The following SRGAP3 variants were observed in gnomAD, a reference collection of about 807,000 sequenced individuals.
SRGAP3 encodes the protein SLIT-ROBO Rho GTPase activating protein 3.
Under a neutral mutation model 121.1 loss-of-function variants are expected in SRGAP3, and 39 were observed. The ratio of observed to expected loss-of-function variants is 0.32; its 90% CI spans 0.25 to 0.42. SRGAP3 has a LOEUF of 0.42. Among genes scored for constraint, SRGAP3 ranks in the 10% least tolerant of loss-of-function variants. The probability of loss-of-function intolerance (pLI) is 1.00; values close to 1 mark genes in which losing one functional copy is unlikely to be tolerated. For synonymous variants in SRGAP3, 601 were observed against 570.0 expected (o/e 1.05, Z -0.77); for missense variants, 1,213 against 1,470.6 (o/e 0.82, Z 2.86).
At chr3:8,986,399 A>C (rs1941711028) in intron 21 of SRGAP3, among the ~76,000 whole-genome samples, 1 of 152,202 alleles carries the variant, frequency 6.6e-6, no homozygotes, top group Non-Finnish European at 1.5e-5. Context: ...AAAAATACGA[A>C]TGACAATAGC....
At position 9,165,671 on chromosome 3, in the gene SRGAP3, ATCC is replaced by A. The variant is rs555838036; in HGVS notation, c.68-40757_68-40755del. On this transcript the variant is annotated intron_variant, in intron 1 of 21. Coordinates refer to ENST00000383836, the MANE Select transcript of SRGAP3 (RefSeq NM_014850.4). Reference sequence around the variant, plus strand: ...GCATGCTTGTCCCGATTACCTCTCAATCCTCCTCCTCCTTGCCACCTCCACCCT... The same window carrying A: ...GCATGCTTGTCCCGATTACCTCTCAATCCTCCTCCTTGCCACCTCCACCCT... 2.6e-4 allele frequency among the ~76,000 whole-genome samples: 39 copies of A among 151,730 alleles called. No individual in the cohort carries two copies. In the South Asian group the frequency reaches 7.9e-3, roughly 31 times the overall value.
At chr3:9,033,703 A>G (rs1944609302) in intron 11 of SRGAP3, 2 of 152,436 alleles carry the variant, frequency 1.3e-5, no homozygotes, top group African/African-American at 2.4e-5. Context: ...GATTACAGGC[A>G]TGAGCCTCCT....
At chr3:9,309,643 T>C (rs193099010) in intron 3 of SRGAP3, among the ~76,000 whole-genome samples, 1 of 152,308 alleles carries the variant, frequency 6.6e-6, no homozygotes, top group African/African-American at 2.4e-5. Flanking sequence ...GGAGGATCAC[T>C]TGAGCCTAGG....
At chr3:9,248,054 G>T (rs1462952124) in intron 1 of SRGAP3, among the ~76,000 whole-genome samples, 1 of 152,244 alleles carries the variant, frequency 6.6e-6, no homozygotes, top group African/African-American at 2.4e-5. Context: ...TCTGAAAGAA[G>T]TATACACCCG....
At chr3:9,230,270 C>T (rs1295029109) in intron 1 of SRGAP3, among the ~76,000 whole-genome samples, 6 of 152,200 alleles carry the variant, frequency 3.9e-5, no homozygotes, top group African/African-American at 9.7e-5. Context: ...CAAAGTCACA[C>T]GGCTAGAAAG....
intron 3 of SRGAP3, among the ~76,000 whole-genome samples, chr3:9,295,810 T>G (rs1224593220): frequency 6.6e-6 from 1 of 152,210 alleles, no homozygotes; most frequent in Non-Finnish European, 1.5e-5. Flanking sequence ...CATTCTCCTC[T>G]TCCCCAGCCT....
upstream of SRGAP3, among the ~76,000 whole-genome samples, chr3:9,253,336 G>A (rs1016119679): frequency 1.3e-5 from 2 of 151,982 alleles, no homozygotes; most frequent in Non-Finnish European, 2.9e-5. Context: ...GTTTCAATAC[G>A]GAGTTCAACG....
chr3:9,096,251 C>CAT (rs1182922534), intron 3 of SRGAP3, among the ~76,000 whole-genome samples: 1 of 152,046 alleles, frequency 6.6e-6, no homozygotes, highest in Non-Finnish European at 1.5e-5. Context: ...TCAAAGAAAT[C>CAT]ATAATGAAAA....
rs759746569 is a variant in SRGAP3 at position 9,045,509 on chromosome 3, AATG to A, written c.1408+1879_1408+1881del. Among the ~76,000 whole-genome samples, 230 of 151,264 alleles carry A rather than the reference AATG, an allele frequency of 1.5e-3. 1 individual carries two copies. Among genetic ancestry groups the A allele is most frequent in the East Asian group, 8.8e-3 (45 of 5,132 alleles). On this transcript the variant is annotated intron_variant, in intron 10 of 21. Transcript: ENST00000383836. Reference sequence around the variant, plus strand: ...TTATGCCAAAACTAAGTATGGTGATAATGATGATGATGATGATGATGATGATGA... The same window carrying A: ...TTATGCCAAAACTAAGTATGGTGATAATGATGATGATGATGATGATGATGA...
chr3:9,227,457 T>A (rs1953031133), intron 1 of SRGAP3, among the ~76,000 whole-genome samples: 1 of 151,696 alleles, frequency 6.6e-6, no homozygotes, highest in South Asian at 2.1e-4. Context: ...CTTGCAAGAG[T>A]CCAATGGGTG....
intron 3 of SRGAP3, among the ~76,000 whole-genome samples, chr3:9,084,495 G>A (rs11924984): frequency 0.018 from 2,720 of 152,294 alleles, 81 homozygotes; most frequent in African/African-American, 0.063. Context: ...AAAAGAGGAA[G>A]CAGACTTAGG....
At chr3:9,120,396 C>A (rs996094383) in intron 2 of SRGAP3, among the ~76,000 whole-genome samples, 7 of 152,222 alleles carry the variant, frequency 4.6e-5, no homozygotes, top group Non-Finnish European at 8.8e-5. Context: ...AACTACCAGG[C>A]CTCCCCAAGC....
rs971602970 is a variant in SRGAP3, at chr3:9,223,741, G to A, written c.67+25144C>T. Among the ~76,000 whole-genome samples the A allele has an allele frequency of 1.1e-4, 16 of 152,210 alleles. 1 individual carries two copies. Among genetic ancestry groups the A allele is most frequent in the Admixed American group, 3.9e-4 (6 of 15,278 alleles). On this transcript the variant is annotated intron_variant, in intron 1 of 21. Transcript: ENST00000383836. ...ATCCCCGTTTCCCACCAGCCATTATGAGGACAGACACAAATGGCTTCAAGG... is the reference window on the plus strand; with the variant it reads ...ATCCCCGTTTCCCACCAGCCATTATAAGGACAGACACAAATGGCTTCAAGG...
chr3:9,328,682 A>G (rs1955556684), intron 2 of SRGAP3, among the ~76,000 whole-genome samples: 1 of 152,216 alleles, frequency 6.6e-6, no homozygotes, highest in African/African-American at 2.4e-5. Context: ...AGAATAGACA[A>G]GGTCATGCAG....
At chr3:9,105,893 C>T (rs545350401) in intron 2 of SRGAP3, among the ~76,000 whole-genome samples, 22 of 152,354 alleles carry the variant, frequency 1.4e-4, no homozygotes, top group Admixed American at 5.2e-4. Context: ...CTACCTTAAA[C>T]GTGCTCAGAA....
chr3:9,287,677 G>A (rs940488416), intron 3 of SRGAP3, among the ~76,000 whole-genome samples: 4 of 151,972 alleles, frequency 2.6e-5, no homozygotes, highest in Non-Finnish European at 5.9e-5. Context: ...TCGAGTGATG[G>A]GTACACTAAA....
At chr3:9,299,222 A>G (rs1247308754) in intron 3 of SRGAP3, among the ~76,000 whole-genome samples, 1 of 151,104 alleles carries the variant, frequency 6.6e-6, no homozygotes, top group Non-Finnish European at 1.5e-5. Flanking sequence ...TTAGCTGGGC[A>G]TGCTGGTGCA....
At chr3:9,069,258 G>A (rs1946566872) in intron 4 of SRGAP3, among the ~76,000 whole-genome samples, 1 of 152,212 alleles carries the variant, frequency 6.6e-6, no homozygotes, top group African/African-American at 2.4e-5. Flanking sequence ...CTGTGGAGAG[G>A]TGTGTCCTCT....
chr3:9,345,130 G>A (rs1390092776), intron 1 of SRGAP3, among the ~76,000 whole-genome samples: 2 of 152,194 alleles, frequency 1.3e-5, no homozygotes, highest in African/African-American at 4.8e-5. Flanking sequence ...TCTACCAGTA[G>A]AATGATCATT....
Sources: gnomAD v4.1 joint callset for allele counts (sites outside exome capture counted in the v4.1 genomes callset) on GRCh38, gnomAD v4.1.1 for gene constraint, MANE v1.5 for transcripts, NCBI Gene and HGNC (gene_info 2026-07-23, HGNC 2026-07-21) for gene names.